The following TPP2 variants were observed in gnomAD, a reference collection of about 807,000 sequenced individuals.
TPP2 encodes the protein tripeptidyl peptidase 2.
Under a neutral mutation model 155.9 loss-of-function variants are expected in TPP2, and 34 were observed. The observed-to-expected ratio is 0.22, with a 90% CI of 0.17 to 0.29. TPP2 has a LOEUF of 0.29. TPP2 is among the 10% of genes least tolerant of loss of function. The pLI, the probability that TPP2 is intolerant of heterozygous loss-of-function variation, is 1.00. For synonymous variants in TPP2, 510 were observed against 529.4 expected (o/e 0.96, Z 0.50); for missense variants, 1,028 against 1,522.3 (o/e 0.68, Z 5.40).
chr13:102,604,211 T>C lies in TPP2; in HGVS notation c.166-582T>C, dbSNP rs546026577. Among the ~76,000 whole-genome samples the C allele has an allele frequency of 3.3e-3, 509 of 152,232 alleles. 2 individuals are homozygous for C. Among genetic ancestry groups the C allele is most frequent in the Non-Finnish European group, 4.4e-3 (302 of 68,024 alleles). ...TGGTACCATTACTACTAAACATTTT[T>C]TCCCCCTAAAGCTCTAAACTTGTCC... On this transcript the variant is annotated intron_variant, in intron 1 of 29. Coordinates refer to ENST00000376052, the MANE Select transcript of TPP2 (RefSeq NM_001330588.2).
chr13:102,656,495 C>G (rs560821571), intron 24 of TPP2, among the ~76,000 whole-genome samples: 295 of 152,262 alleles, frequency 1.9e-3, no homozygotes, highest in African/African-American at 6.8e-3. Context: ...TCGGCTCCCC[C>G]TCGTTACCTG....
intron 27 of TPP2, among the ~76,000 whole-genome samples, chr13:102,671,710 C>T (rs1400264833): frequency 6.6e-6 from 1 of 152,146 alleles, no homozygotes; most frequent in Admixed American, 6.5e-5. Context: ...TAGCATATTC[C>T]TTGTCTTTTC....
rs770434482 is a variant in TPP2, at chr13:102,597,045, A to C, written c.7A>C (p.Thr3Pro). 1 of 1,611,288 alleles carries C rather than the reference A, an allele frequency of 6.2e-7. No individual in the cohort carries two copies. The highest frequency in any genetic ancestry group is 1.3e-5 in the African/African-American group (1 of 74,680). MA[T>P]AATEEPFPFH... Reference sequence around the variant, plus strand: ...CGTCCTCCATCCTGCGTCCATGGCCACCGCTGCGACTGAGGAGCCCTTCCC... The same window carrying C: ...CGTCCTCCATCCTGCGTCCATGGCCCCCGCTGCGACTGAGGAGCCCTTCCC... The change falls in exon 1 of 30, where the codon ACC (threonine) becomes CCC (proline). Residue 3 changes from threonine to proline, a missense_variant. Around this residue, in one of 7 missense-constraint regions of TPP2, gnomAD observed 300 missense variants for 398.3 expected, o/e 0.75. Transcript: ENST00000376052.
At chr13:102,649,959 C>A (rs954225620) in intron 23 of TPP2, among the ~76,000 whole-genome samples, 4 of 152,128 alleles carry the variant, frequency 2.6e-5, no homozygotes, top group Admixed American at 2.0e-4. Context: ...TGTTTCTTCA[C>A]ACTTCTACAG....
At chr13:102,657,869 T>A (rs1044669135) in intron 25 of TPP2, among the ~76,000 whole-genome samples, 4 of 152,182 alleles carry the variant, frequency 2.6e-5, no homozygotes, top group Non-Finnish European at 5.9e-5. Context: ...TAGCTGTGTA[T>A]GTGTGCTACT....
chr13:102,678,065 G>T (rs961130000), intron 29 of TPP2, among the ~76,000 whole-genome samples, 162 bp from the exon 30 acceptor site: 7 of 152,130 alleles, frequency 4.6e-5, no homozygotes, highest in African/African-American at 1.2e-4. Context: ...AGAAAAGTTG[G>T]TTGGTGGGAA....
intron 7 of TPP2, 83 bp from the exon 8 acceptor site, chr13:102,627,765 G>A (rs920546984): frequency 1.0e-6 from 1 of 963,650 alleles, no homozygotes; most frequent in Non-Finnish European, 1.6e-6. Context: ...AGAAACTATA[G>A]GATTATATAT....
chr13:102,634,490 G>C (rs1882241761), intron 11 of TPP2, among the ~76,000 whole-genome samples: 1 of 152,190 alleles, frequency 6.6e-6, no homozygotes, highest in African/African-American at 2.4e-5. Context: ...AGAAAGAGAA[G>C]GAGGGATTTC....
chr13:102,674,177 C>A, intron 27 of TPP2, 106 bp from the exon 28 acceptor site: 1 of 1,189,678 alleles, frequency 8.4e-7, no homozygotes, highest in Non-Finnish European at 1.2e-6. Context: ...AGTATTTCTG[C>A]ATTATAAATC....
At position 102,648,983 on chromosome 13, in the gene TPP2, G is replaced by A. The variant is rs922709554; in HGVS notation, c.2705G>A (p.Arg902His). 1.1e-5 allele frequency: 18 copies of A among 1,613,558 alleles called. No individual in the cohort carries two copies. Among genetic ancestry groups the A allele is most frequent in the Non-Finnish European group, 1.1e-5 (13 of 1,179,884 alleles). ...CATGAGCAAATCAGTGATTTGGAAC[G>A]CCTTAAAGACCTTCCATTTATTGTT... Reference protein sequence around the residue: ...IRHEQISDLERLKDLPFIVSH... With the variant: ...IRHEQISDLEHLKDLPFIVSH... Residue 902 changes from arginine to histidine, a missense_variant, in exon 22 of 30, where the codon CGC becomes CAC. Transcript: ENST00000376052.
chr13:102,600,069 A>T (rs1403246028), intron 1 of TPP2, among the ~76,000 whole-genome samples: 3 of 68,224 alleles, frequency 4.4e-5, no homozygotes, highest in East Asian at 1.2e-3. Context: ...GTAAAAATTA[A>T]AAAAAAAAAT....
chr13:102,622,851 T>C lies in TPP2; in HGVS notation c.621-26T>C, dbSNP rs114816818. ...AGAAAGGTAAGAAAATAAATTTTAC[T>C]GTCTCCATTTCTTTTTAATTAATAG... On this transcript the variant is annotated intron_variant, in intron 5 of 29. Transcript: ENST00000376052. 1,606 of 1,580,970 alleles carry C rather than the reference T, an allele frequency of 1.0e-3. 10 individuals are homozygous for C. The African/African-American group carries it at 0.018, about 18-fold the overall frequency.
At chr13:102,668,768 G>A (rs957514231) in intron 27 of TPP2, among the ~76,000 whole-genome samples, 7 of 152,228 alleles carry the variant, frequency 4.6e-5, no homozygotes, top group African/African-American at 9.6e-5. Context: ...GAGTTGCAGT[G>A]TACAACGGAA....
intron 24 of TPP2, among the ~76,000 whole-genome samples, chr13:102,656,497 C>T (rs907086291): frequency 1.3e-5 from 2 of 152,118 alleles, no homozygotes; most frequent in African/African-American, 2.4e-5. Flanking sequence ...GGCTCCCCCT[C>T]GTTACCTGAC....
chr13:102,672,036 C>T (rs541118098), intron 27 of TPP2, among the ~76,000 whole-genome samples: 1 of 152,220 alleles, frequency 6.6e-6, no homozygotes, highest in South Asian at 2.1e-4. Flanking sequence ...AGTCTCTTCA[C>T]CTTCATTTTC....
rs764363545 is a variant in TPP2, at chr13:102,651,390, T to G, written c.2984T>G (p.Phe995Cys). ...TCTGCAGCAAAACGACAAGGAAAAT[T>G]TAAAAAGGTACTGATTGTCAGTTCT... ...GQSAAKRQGK[F>C]KKDVIPVHYY... is the part of the protein sequence containing the mutation. The change falls in exon 24 of 30, where the codon TTT becomes TGT. Residue 995 changes from phenylalanine (F) to cysteine (C), a missense_variant. Transcript: ENST00000376052. The G allele has an allele frequency of 1.3e-6, 2 of 1,580,536 alleles. No homozygotes were observed. The highest frequency in any genetic ancestry group is 1.7e-6 in the Non-Finnish European group (2 of 1,162,246).
intron 24 of TPP2, among the ~76,000 whole-genome samples, chr13:102,652,179 C>T (rs575371464): frequency 6.6e-6 from 1 of 152,186 alleles, no homozygotes; most frequent in East Asian, 1.9e-4. Flanking sequence ...GGTTTGAAAC[C>T]AGCCTGGGCA....
In TPP2 at chr13:102,629,492, G is replaced by A; in HGVS notation, c.1027G>A (p.Glu343Lys). ...THWPNSGRIC[E>K]VINEAVWKHN... is the part of the protein sequence containing the mutation. ...TTCTCTCTTTTTCAGGAGAATTTGT[G>A]AAGTAATTAATGAAGCAGTATGGAA... is the stretch of plus-strand genomic sequence containing the variant. The change falls in exon 9 of 30, where the codon GAA (glutamate) becomes AAA (lysine). Residue 343 changes from glutamate (E) to lysine (K), a missense_variant. Glu to Lys is a moderately conservative substitution (Grantham distance 56, BLOSUM62 1). Around this residue, in one of 7 missense-constraint regions of TPP2, gnomAD observed 63 missense variants for 165.7 expected, o/e 0.38. Transcript: ENST00000376052. 6.7e-7 allele frequency: 1 copy of A among 1,493,368 alleles called. No homozygotes were observed. Among genetic ancestry groups the A allele is most frequent in the Admixed American group, 2.7e-5 (1 of 37,412 alleles). 92.5% of individuals were successfully genotyped at this position (1,493,368 alleles called of 1,614,324 possible). A position where few individuals can be genotyped will look rare whatever the true frequency, so the allele number is the denominator to read the frequency against.
Position 102,633,973 on chromosome 13 carries a change from G to C in TPP2, c.1268G>C (p.Ser423Thr). 6.2e-7 allele frequency: 1 copy of C among 1,614,084 alleles called. No homozygotes were observed. The highest frequency in any genetic ancestry group is 8.5e-7 in the Non-Finnish European group (1 of 1,179,956). ...AGTGCTGACGGGGCCCTTGGTGTGA[G>C]TATCAGTGCGCCAGGAGGAGCCATT... Reference protein sequence around the residue: ...GPSADGALGVSISAPGGAIAS... With the variant: ...GPSADGALGVTISAPGGAIAS... The change falls in exon 11 of 30, where the codon AGT becomes ACT. Residue 423 changes from serine to threonine, a missense_variant. Physicochemically the swap from Ser to Thr is moderately conservative, Grantham distance 58. Transcript: ENST00000376052.
Sources: allele counts gnomAD v4.1 joint callset (sites outside exome capture counted in the v4.1 genomes callset), GRCh38; gene constraint gnomAD v4.1.1; regional missense constraint gnomAD v4.1.1; transcripts MANE v1.5; gene names NCBI Gene and HGNC (gene_info 2026-07-23, HGNC 2026-07-21).